The following UBE2E3 variants were observed in gnomAD, a reference collection of about 807,000 sequenced individuals.
UBE2E3 encodes the protein ubiquitin conjugating enzyme E2 E3, also known as ubiquitin-conjugating enzyme E2 E3.
A neutral mutation model predicts 23.6 loss-of-function variants in UBE2E3; 5 were observed. The ratio of observed to expected loss-of-function variants is 0.21; its 90% confidence interval spans 0.11 to 0.44. The LOEUF (loss-of-function observed/expected upper bound fraction) is 0.44. UBE2E3 is among the 20% of genes least tolerant of loss of function. The probability of loss-of-function intolerance (pLI) is 0.99; values close to 1 mark genes in which losing one functional copy is unlikely to be tolerated. For missense variants in UBE2E3, 81 were observed against 249.8 expected (o/e 0.32, Z 4.55); for synonymous variants, 78 against 87.5 (o/e 0.89, Z 0.60).
chr2:180,987,297 T>A, intron 3 of UBE2E3: 1 of 1,545,518 alleles, frequency 6.5e-7, no homozygotes, highest in Non-Finnish European at 8.7e-7. Flanking sequence ...AATTGTTTAG[T>A]GATGTGTTAT....
intron 1 of UBE2E3, chr2:180,981,338 A>G (rs1325959061): frequency 6.6e-6 from 1 of 152,176 alleles, no homozygotes; most frequent in Non-Finnish European, 1.5e-5. Context: ...GGTCCGTGAT[A>G]TAAAAATTGA....
intron 3 of UBE2E3, among the ~76,000 whole-genome samples, chr2:181,037,153 CAT>C (rs1237328405): frequency 2.0e-5 from 3 of 152,196 alleles, no homozygotes; most frequent in South Asian, 2.1e-4. Context: ...GCATTACTCA[CAT>C]GTTTGTGGTG....
At chr2:181,023,365 A>T (rs1685768498) in intron 3 of UBE2E3, among the ~76,000 whole-genome samples, 1 of 152,226 alleles carries the variant, frequency 6.6e-6, no homozygotes, top group Non-Finnish European at 1.5e-5. Context: ...TAAATAGAAC[A>T]TCCTCTACTT....
intron 3 of UBE2E3, among the ~76,000 whole-genome samples, chr2:181,027,814 A>AAATTC (rs1685945904): frequency 6.6e-6 from 1 of 151,990 alleles, no homozygotes; most frequent in Admixed American, 6.6e-5. Flanking sequence ...TAGTCATTTG[A>AAATTC]TTGTACAGAA....
At chr2:181,019,059 GTTC>G (rs1405701485) in intron 3 of UBE2E3, among the ~76,000 whole-genome samples, 1 of 152,144 alleles carries the variant, frequency 6.6e-6, no homozygotes, top group Non-Finnish European at 1.5e-5. Context: ...TGCCTCCCAG[GTTC>G]AAGCGATTCT....
At chr2:180,989,736 C>A in intron 3 of UBE2E3, 1 of 797,492 alleles carries the variant, frequency 1.3e-6, no homozygotes, top group Non-Finnish European at 1.8e-6. Context: ...GTGGGTAAAA[C>A]AGCATGTGCT....
At chr2:180,982,301 T>C (rs1242450527) in intron 2 of UBE2E3, 65 bp downstream of exon 2, 2 of 1,501,006 alleles carry the variant, frequency 1.3e-6, no homozygotes, top group Non-Finnish European at 1.8e-6. Flanking sequence ...TGGACGCTTT[T>C]GTTGGTTTTA....
chr2:181,052,602 A>G (rs1189364483), intron 3 of UBE2E3, among the ~76,000 whole-genome samples: 2 of 151,740 alleles, frequency 1.3e-5, no homozygotes, highest in Non-Finnish European at 2.9e-5. Context: ...GGCAGTTATC[A>G]TTGAGAACAC....
chr2:181,060,262 T>TA (rs1687104490), intron 4 of UBE2E3, among the ~76,000 whole-genome samples: 2 of 151,382 alleles, frequency 1.3e-5, no homozygotes, highest in South Asian at 2.1e-4. Flanking sequence ...CTTTTATGTT[T>TA]TAAAAAAAAA....
intron 3 of UBE2E3, among the ~76,000 whole-genome samples, chr2:180,985,998 T>A (rs1387647996): frequency 6.6e-6 from 1 of 152,110 alleles, no homozygotes; most frequent in Admixed American, 6.5e-5. Context: ...AATCTTTCAA[T>A]GAGATAGGAG....
intron 3 of UBE2E3, among the ~76,000 whole-genome samples, chr2:181,006,674 TG>T (rs1332820984): frequency 7.1e-5 from 10 of 141,598 alleles, no homozygotes; most frequent in Non-Finnish European, 1.3e-4. Context: ...CATATGTGGT[TG>T]TAAGAAAGCA....
At chr2:181,053,429 G>A (rs775914309) in intron 3 of UBE2E3, among the ~76,000 whole-genome samples, 41 of 151,808 alleles carry the variant, frequency 2.7e-4, no homozygotes, top group African/African-American at 8.2e-4. Flanking sequence ...GAACATACTC[G>A]TTTATAAAAG....
chr2:180,991,059 A>G (rs4427978), intron 3 of UBE2E3, among the ~76,000 whole-genome samples: 148,338 of 152,270 alleles, frequency 0.97, 72,390 homozygotes, highest in Middle Eastern at 1. Flanking sequence ...ATACAGGTGG[A>G]ATAAGTGGAA....
chr2:181,043,250 T>TA (rs1388863062), intron 3 of UBE2E3, among the ~76,000 whole-genome samples: 1 of 152,128 alleles, frequency 6.6e-6, no homozygotes, highest in Non-Finnish European at 1.5e-5. Flanking sequence ...ACTAAATACT[T>TA]ACATGTGAAT....
At chr2:181,001,331 T>G (rs1226524764) in intron 3 of UBE2E3, among the ~76,000 whole-genome samples, 1 of 152,104 alleles carries the variant, frequency 6.6e-6, no homozygotes, top group East Asian at 1.9e-4. Context: ...TCCAGAAAGT[T>G]GAGAGCTTGG....
At chr2:181,060,930 A>G (rs1687135438) in intron 5 of UBE2E3, 118 bp downstream of exon 5, 2 of 1,040,654 alleles carry the variant, frequency 1.9e-6, no homozygotes, top group Non-Finnish European at 2.6e-6. Context: ...TGTTATTCAT[A>G]GAAAGATCCC....
intron 3 of UBE2E3, among the ~76,000 whole-genome samples, chr2:181,001,738 TGTG>T (rs1452483869): frequency 4.6e-5 from 7 of 152,000 alleles, no homozygotes; most frequent in Non-Finnish European, 8.8e-5. Flanking sequence ...TATAACCAGT[TGTG>T]GTGGTTATAG....
intron 3 of UBE2E3, among the ~76,000 whole-genome samples, chr2:181,024,150 C>G (rs957250530): frequency 1.3e-5 from 2 of 152,056 alleles, no homozygotes; most frequent in Non-Finnish European, 1.5e-5. Flanking sequence ...ATGAAGACTT[C>G]AGCATTGAGT....
intron 3 of UBE2E3, among the ~76,000 whole-genome samples, chr2:181,052,292 T>C (rs1686866037): frequency 6.6e-6 from 1 of 151,850 alleles, no homozygotes; most frequent in Admixed American, 6.6e-5. Context: ...AAGAATACAG[T>C]CGTAGGTTCT....
Sources: gnomAD v4.1 joint callset for allele counts (sites outside exome capture counted in the v4.1 genomes callset) on GRCh38, gnomAD v4.1.1 for gene constraint, MANE v1.5 for transcripts, NCBI Gene and HGNC (gene_info 2026-07-23, HGNC 2026-07-21) for gene names.